Variants in ADAMTSL1 observed in about 807,000 individuals in gnomAD.
ADAMTSL1 encodes ADAMTS like 1, also known as ADAMTS-like protein 1.
Under a neutral mutation model 201.8 loss-of-function variants are expected in ADAMTSL1, and 126 were observed. That is an observed-to-expected ratio of 0.62 (90% CI 0.54 to 0.72). The LOEUF is 0.72. Ranked by LOEUF, ADAMTSL1 falls within the 30% of genes least tolerant of loss-of-function variation. ADAMTSL1 has a pLI of 0.00. For missense variants in ADAMTSL1, 2,679 were observed against 2,277.8 expected (o/e 1.18, Z -3.59); for synonymous variants, 1,121 against 903.4 (o/e 1.24, Z -4.32).
chr9:18,028,846 T>G (rs1018097151), intron 1 of ADAMTSL1, among the ~76,000 whole-genome samples: 15 of 152,194 alleles, frequency 9.9e-5, no homozygotes, highest in African/African-American at 3.4e-4. Flanking sequence ...ATAAATTACC[T>G]TGGGCAGTAT....
chr9:18,674,996 C>T (rs1209323551), intron 9 of ADAMTSL1, among the ~76,000 whole-genome samples: 1 of 116,312 alleles, frequency 8.6e-6, no homozygotes, highest in African/African-American at 3.3e-5. Context: ...TGAAGTAGGT[C>T]AGAGTAGTTT....
chr9:18,152,076 G>T (rs963026872), intron 1 of ADAMTSL1, among the ~76,000 whole-genome samples: 7 of 152,182 alleles, frequency 4.6e-5, no homozygotes, highest in African/African-American at 1.7e-4. Flanking sequence ...CCACTATTCT[G>T]TAAGATAAGT....
At chr9:18,822,502 G>C (rs548727639) in intron 21 of ADAMTSL1, among the ~76,000 whole-genome samples, 2 of 152,282 alleles carry the variant, frequency 1.3e-5, no homozygotes, top group Non-Finnish European at 2.9e-5. Context: ...TGTTAAGATG[G>C]GGACTGTTGG....
chr9:17,923,109 G>C (rs545160952), intron 1 of ADAMTSL1, among the ~76,000 whole-genome samples: 1 of 152,276 alleles, frequency 6.6e-6, no homozygotes, highest in African/African-American at 2.4e-5. Context: ...GCTTAGGATT[G>C]ACTTGGCAAT....
At chr9:18,469,519 A>T (rs949892945), upstream of ADAMTSL1, among the ~76,000 whole-genome samples, 2 of 152,236 alleles carry the variant, frequency 1.3e-5, no homozygotes, top group African/African-American at 4.8e-5. Context: ...CTCTCTGAAG[A>T]TTCCAGTGCT....
chr9:18,821,551 C>T (rs1006960144), intron 21 of ADAMTSL1, among the ~76,000 whole-genome samples: 10 of 152,156 alleles, frequency 6.6e-5, no homozygotes, highest in Non-Finnish European at 1.0e-4. Context: ...GGTAGGCTCA[C>T]TGGGTACTCA....
At chr9:18,390,378 G>C (rs1471180876) in intron 2 of ADAMTSL1, among the ~76,000 whole-genome samples, 1 of 152,118 alleles carries the variant, frequency 6.6e-6, no homozygotes. Context: ...GGTGTTTTCT[G>C]GGCAGACAAG....
chr9:18,706,279 A>G (rs1467524858), intron 13 of ADAMTSL1, among the ~76,000 whole-genome samples: 1 of 152,184 alleles, frequency 6.6e-6, no homozygotes, highest in East Asian at 1.9e-4. Context: ...ATGTGAATGT[A>G]TTATAATTAG....
At chr9:18,201,078 T>C (rs905608393) in intron 2 of ADAMTSL1, among the ~76,000 whole-genome samples, 1 of 152,014 alleles carries the variant, frequency 6.6e-6, no homozygotes, top group African/African-American at 2.4e-5. Flanking sequence ...CCTTTGAAAA[T>C]TCATCTATTT....
At chr9:18,689,183 A>C (rs920748081) in intron 13 of ADAMTSL1, among the ~76,000 whole-genome samples, 62 of 152,272 alleles carry the variant, frequency 4.1e-4, no homozygotes, top group African/African-American at 1.3e-3. Context: ...AAGCTAAAAA[A>C]ATTACTGACA....
At chr9:18,736,898 C>G (rs926028733) in intron 15 of ADAMTSL1, among the ~76,000 whole-genome samples, 1 of 152,112 alleles carries the variant, frequency 6.6e-6, no homozygotes, top group East Asian at 1.9e-4. Flanking sequence ...TGCTACTTAC[C>G]ACATTTTGGG....
chr9:18,494,347 CAAA>C (rs141208426), intron 1 of ADAMTSL1, among the ~76,000 whole-genome samples: 1 of 80,464 alleles, frequency 1.2e-5, no homozygotes. Flanking sequence ...CAGACTGTCT[CAAA>C]AAAAAAAAAA....
At chr9:18,527,824 T>G (rs1309137649) in intron 2 of ADAMTSL1, among the ~76,000 whole-genome samples, 3 of 152,126 alleles carry the variant, frequency 2.0e-5, no homozygotes, top group African/African-American at 7.2e-5. Context: ...AAAATGGTGA[T>G]TAAGCAAATA....
intron 1 of ADAMTSL1, among the ~76,000 whole-genome samples, chr9:18,484,272 G>C (rs7856703): frequency 3.3e-5 from 5 of 151,960 alleles, no homozygotes; most frequent in African/African-American, 1.2e-4. Context: ...GTACTTTCCA[G>C]TGGTTTTATG....
chr9:18,239,830 G>C (rs1318419547), intron 2 of ADAMTSL1, among the ~76,000 whole-genome samples: 1 of 152,044 alleles, frequency 6.6e-6, no homozygotes, highest in East Asian at 1.9e-4. Flanking sequence ...ACCACTATCA[G>C]TGTTTATCCA....
intron 4 of ADAMTSL1, among the ~76,000 whole-genome samples, chr9:18,612,187 G>A (rs1564088629): frequency 6.6e-6 from 1 of 152,202 alleles, no homozygotes; most frequent in Non-Finnish European, 1.5e-5. Context: ...AGTAGTGGGT[G>A]AAGGACCAGA....
intron 1 of ADAMTSL1, among the ~76,000 whole-genome samples, chr9:17,973,687 T>C (rs1205348511): frequency 2.8e-4 from 33 of 119,390 alleles, no homozygotes; most frequent in Admixed American, 9.8e-4. Context: ...AGTAGTTTTT[T>C]CCAATTCTGT....
chr9:18,528,382 AC>A (rs1297293685), intron 2 of ADAMTSL1, among the ~76,000 whole-genome samples: 2 of 151,648 alleles, frequency 1.3e-5, no homozygotes, highest in Non-Finnish European at 2.9e-5. Context: ...GTGTGTTGTT[AC>A]CCCCATGTAT....
intron 1 of ADAMTSL1, among the ~76,000 whole-genome samples, chr9:18,030,403 G>A (rs1222085278): frequency 1.3e-5 from 2 of 151,996 alleles, no homozygotes; most frequent in African/African-American, 2.4e-5. Flanking sequence ...GTTGTGTGGT[G>A]GGGGGAGTGG....
Sources: allele counts gnomAD v4.1 joint callset (sites outside exome capture counted in the v4.1 genomes callset), GRCh38; gene constraint gnomAD v4.1.1; transcripts MANE v1.5; gene names NCBI Gene and HGNC (gene_info 2026-07-23, HGNC 2026-07-21).